The following HPCAL1 variants were observed in gnomAD, a reference collection of about 807,000 sequenced individuals.
HPCAL1 encodes the protein hippocalcin like 1.
A neutral mutation model predicts 17.1 loss-of-function variants in HPCAL1; 8 were observed. The observed-to-expected ratio is 0.47, with a 90% confidence interval of 0.27 to 0.84. HPCAL1 has a LOEUF of 0.84. HPCAL1 is among the 40% of genes least tolerant of loss of function. The pLI is 0.13. For missense variants in HPCAL1, 165 were observed against 271.1 expected, an observed-to-expected ratio of 0.61 and a Z score of 2.75; for synonymous variants, 112 against 111.4, an observed-to-expected ratio of 1.01 and a Z score of -0.03.
chr2:10,396,664 C>T (rs1349836696), intron 1 of HPCAL1, among the ~76,000 whole-genome samples, 171 bp from the exon 2 acceptor site: 1 of 152,216 alleles, frequency 6.6e-6, no homozygotes, highest in Non-Finnish European at 1.5e-5. Context: ...GGCATGTGCC[C>T]CTGTCCATGG....
At chr2:10,390,064 C>T (rs930331387) in intron 1 of HPCAL1, among the ~76,000 whole-genome samples, 1 of 152,248 alleles carries the variant, frequency 6.6e-6, no homozygotes, top group South Asian at 2.1e-4. Context: ...AGACATTGCA[C>T]ATTCTCTGGA....
chr2:10,342,305 C>G lies in HPCAL1; in HGVS notation c.-111+39128C>G, dbSNP rs1665139497. ...ATAAGCAACAGGCCGAGGTGGGGAC[C>G]CTGCCTCGCCCGCCTCCAGGGGCAC... On this transcript the variant is annotated intron_variant, in intron 1 of 4. Coordinates refer to ENST00000307845, the MANE Select transcript of HPCAL1 (RefSeq NM_002149.4). This position sits in a 1 kb window ranked among gnomAD's most constrained non-coding sequence, Gnocchi z 4.1. 6.6e-6 allele frequency among the ~76,000 whole-genome samples: 1 copy of G among 152,180 alleles called. No homozygotes were observed. The highest frequency in any genetic ancestry group is 2.4e-5 in the African/African-American group (1 of 41,440).
At chr2:10,391,571 C>T (rs560859337) in intron 1 of HPCAL1, among the ~76,000 whole-genome samples, 1 of 152,170 alleles carries the variant, frequency 6.6e-6, no homozygotes, top group South Asian at 2.1e-4. Flanking sequence ...AGAGTGCTTT[C>T]ATCACTCCAA....
chr2:10,389,696 C>T (rs986965135), intron 1 of HPCAL1, among the ~76,000 whole-genome samples: 3 of 152,206 alleles, frequency 2.0e-5, no homozygotes, highest in Admixed American at 6.5e-5. Flanking sequence ...GGTTGTGAGA[C>T]GCATCTGTTG....
Position 10,363,575 on chromosome 2 carries a change from C to T in HPCAL1, c.-110-33260C>T, listed in dbSNP as rs1021519518. ...CTGTATTTCTGGGAAGTGTGTGACC[C>T]GAAGCCTCCTCCTGTCAGAACCACC... On this transcript the variant is annotated intron_variant, in intron 1 of 4. Transcript: ENST00000307845. The surrounding 1 kb of genome is among the most constrained non-coding windows in gnomAD (Gnocchi z 4.7). Among the ~76,000 whole-genome samples the T allele has an allele frequency of 1.3e-5, 2 of 152,142 alleles. No homozygotes were observed. The highest frequency in any genetic ancestry group is 2.4e-5 in the African/African-American group (1 of 41,408).
At chr2:10,373,409 C>T (rs1051039909) in intron 1 of HPCAL1, among the ~76,000 whole-genome samples, 83 of 152,050 alleles carry the variant, frequency 5.5e-4, no homozygotes, top group African/African-American at 1.7e-3. Flanking sequence ...CACAGACGCC[C>T]GGAAGCATCG....
rs1666045482 is a variant in HPCAL1, at chr2:10,354,905, A to G, written c.-110-41930A>G. 6.6e-6 allele frequency among the ~76,000 whole-genome samples: 1 copy of G among 152,236 alleles called. No individual in the cohort carries two copies. The highest frequency in any genetic ancestry group is 2.1e-4 in the South Asian group (1 of 4,826). On this transcript the variant is annotated intron_variant, in intron 1 of 4. Transcript: ENST00000307845. This position sits in a 1 kb window ranked among gnomAD's most constrained non-coding sequence, Gnocchi z 5.1. Reference sequence around the variant, plus strand: ...CCCTCCTCATAGATCCTTCAATTCAACAATTGAATTCAACAAGCCCCTGGG... The same window carrying G: ...CCCTCCTCATAGATCCTTCAATTCAGCAATTGAATTCAACAAGCCCCTGGG...
At chr2:10,315,098 T>TG (rs1433224829) in intron 1 of HPCAL1, among the ~76,000 whole-genome samples, 1 of 152,086 alleles carries the variant, frequency 6.6e-6, no homozygotes, top group Non-Finnish European at 1.5e-5. Context: ...GAGACCATCC[T>TG]GGCCAACACG....
rs1006725877 is a variant in HPCAL1 at position 10,343,472 on chromosome 2, C to T, written c.-111+40295C>T. On this transcript the variant is annotated intron_variant, in intron 1 of 4. Transcript: ENST00000307845. The surrounding 1 kb of genome is among the most constrained non-coding windows in gnomAD (Gnocchi z 4.8). ...AGGCAGGTGAGCCAGCCTAGTTTGT[C>T]CACAGACTTCCATGCAAGTGATTCC... Among the ~76,000 whole-genome samples, 9 of 152,216 alleles carry T rather than the reference C, an allele frequency of 5.9e-5. No individual in the cohort carries two copies. The highest frequency in any genetic ancestry group is 2.1e-4 in the South Asian group (1 of 4,828).
chr2:10,336,830 G>A lies in HPCAL1; in HGVS notation c.-111+33653G>A, dbSNP rs112525489. Among the ~76,000 whole-genome samples the A allele has an allele frequency of 5.7e-3, 874 of 152,254 alleles. 13 individuals are homozygous for A. The highest frequency in any genetic ancestry group is 0.02 in the African/African-American group (811 of 41,540). On this transcript the variant is annotated intron_variant, in intron 1 of 4. Transcript: ENST00000307845. The stretch of plus-strand genomic sequence containing the variant: ...TGCTATCATAGCTCACTGCAGCCCC[G>A]GAATCATGGGCACAAGTGGTCCTCC...
intron 2 of HPCAL1, among the ~76,000 whole-genome samples, chr2:10,403,454 TTGTGTG>T (rs70948890): frequency 0.043 from 2,777 of 64,844 alleles, 46 homozygotes; most frequent in South Asian, 0.059. Context: ...AAGAGTTCTT[TTGTGTG>T]TGTGTGTGTG....
chr2:10,387,424 C>A (rs1668389271), intron 1 of HPCAL1, among the ~76,000 whole-genome samples: 3 of 152,312 alleles, frequency 2.0e-5, no homozygotes, highest in African/African-American at 7.2e-5. Context: ...TATTCCCCCA[C>A]CCTCTCACCC....
rs770626832 is a variant in HPCAL1 at position 10,354,408 on chromosome 2, C to T, written c.-110-42427C>T. ...TAAGGGGACACTTTGCTCAACTGTT[C>T]ACTTGAACAGAGTCTTCAATGTCTT... On this transcript the variant is annotated intron_variant, in intron 1 of 4. Transcript: ENST00000307845. The surrounding 1 kb of genome is among the most constrained non-coding windows in gnomAD (Gnocchi z 5.1). 5 of 152,240 alleles carry T rather than the reference C, an allele frequency of 3.3e-5. No individual in the cohort carries two copies. Among genetic ancestry groups the T allele is most frequent in the Non-Finnish European group, 5.9e-5 (4 of 68,054 alleles). The allele number at this position is 152,240 out of a possible 1,614,324, so 9.4% of individuals were successfully genotyped here. A position where few individuals can be genotyped will look rare whatever the true frequency, so the allele number is the denominator to read the frequency against.
In HPCAL1 at chr2:10,399,233, C is replaced by CCGCT. The variant is rs765808869; in HGVS notation, c.-25+2313_-25+2314insCGCT. ...GCACCACCACCACCACCACCACCAC[C>CCGCT]ACCACCATCACCACCACCACCACCA... is the stretch of plus-strand genomic sequence containing the variant. On this transcript the variant is annotated intron_variant, in intron 2 of 4. Transcript: ENST00000307845. 4.2e-4 allele frequency among the ~76,000 whole-genome samples: 28 copies of CCGCT among 66,418 alleles called. 2 individuals are homozygous for CCGCT. In the East Asian group the frequency reaches 0.011, roughly 26 times the overall value. The allele number at this position is 66,418 out of a possible 152,430, so 43.6% of individuals were successfully genotyped here. A position where few individuals can be genotyped will look rare whatever the true frequency, so the allele number is the denominator to read the frequency against.
At chr2:10,412,185 A>G (rs148428478) in intron 2 of HPCAL1, among the ~76,000 whole-genome samples, 5 of 152,322 alleles carry the variant, frequency 3.3e-5, no homozygotes, top group Non-Finnish European at 7.4e-5. Flanking sequence ...TTCTTTTTAG[A>G]AGGTCTTTCG....
chr2:10,399,241 T>TCACCACCAC (rs1558517511), intron 2 of HPCAL1, among the ~76,000 whole-genome samples: 1 of 12,036 alleles, frequency 8.3e-5, no homozygotes, highest in Admixed American at 7.9e-4. Flanking sequence ...ACCACCACCA[T>TCACCACCAC]CACCACCACC....
intron 1 of HPCAL1, among the ~76,000 whole-genome samples, chr2:10,374,584 C>T (rs1400281905): frequency 3.3e-5 from 5 of 152,332 alleles, no homozygotes; most frequent in African/African-American, 1.2e-4. Context: ...GCAAGAGGTG[C>T]GGTGGAACCA....
rs538366609 is a variant in HPCAL1, at chr2:10,365,463, C to G, written c.-110-31372C>G. Among the ~76,000 whole-genome samples, 2 of 152,278 alleles carry G rather than the reference C, an allele frequency of 1.3e-5. No individual in the cohort carries two copies. Among genetic ancestry groups the G allele is most frequent in the African/African-American group, 2.4e-5 (1 of 41,546 alleles). On this transcript the variant is annotated intron_variant, in intron 1 of 4. Transcript: ENST00000307845. This position sits in a 1 kb window ranked among gnomAD's most constrained non-coding sequence, Gnocchi z 4.8. Reference sequence around the variant, plus strand: ...GTCTGTGCAGGAGTTGGAGGTAGAGCGGGTCGAAGGCTTGCGGAGGGACAG... The same window carrying G: ...GTCTGTGCAGGAGTTGGAGGTAGAGGGGGTCGAAGGCTTGCGGAGGGACAG...
chr2:10,349,483 G>A (rs1454532573), intron 1 of HPCAL1, among the ~76,000 whole-genome samples: 3 of 134,378 alleles, frequency 2.2e-5, no homozygotes, highest in African/African-American at 2.6e-5. Flanking sequence ...TGAGGCGGGT[G>A]GATCATGAGG....
Sources: gnomAD v4.1 joint callset for allele counts (sites outside exome capture counted in the v4.1 genomes callset) on GRCh38, gnomAD v4.1.1 for gene constraint, Gnocchi (gnomAD v3.1) non-coding constraint, MANE v1.5 for transcripts, NCBI Gene and HGNC (gene_info 2026-07-23, HGNC 2026-07-21) for gene names.